Variants in GRIN2B observed in about 807,000 individuals in gnomAD.
GRIN2B encodes glutamate ionotropic receptor NMDA type subunit 2B.
In GRIN2B, 5 loss-of-function variants were observed where a neutral mutation model predicts 114.5. The observed-to-expected ratio is 0.04, with a 90% confidence interval of 0.02 to 0.09. The LOEUF (loss-of-function observed/expected upper bound fraction) is 0.09, where lower values mean the gene tolerates loss of function less well. Among genes scored for constraint, GRIN2B ranks in the 10% least tolerant of loss-of-function variants. GRIN2B has a pLI of 1.00. For synonymous variants in GRIN2B, 787 were observed against 745.1 expected (o/e 1.06, Z -0.92); for missense variants, 1,108 against 1,943.5 (o/e 0.57, Z 8.08).
chr12:13,870,658 C>T (rs1170232735), intron 2 of GRIN2B, among the ~76,000 whole-genome samples: 1 of 151,976 alleles, frequency 6.6e-6, no homozygotes, highest in Non-Finnish European at 1.5e-5. Flanking sequence ...TTCCAAGCAC[C>T]ATCCCTTAAT....
chr12:13,624,327 C>T (rs990554267), intron 5 of GRIN2B, among the ~76,000 whole-genome samples: 3 of 152,162 alleles, frequency 2.0e-5, no homozygotes, highest in African/African-American at 7.2e-5. Context: ...TCCACTAGAT[C>T]TCCCTCCAGT....
Position 13,563,903 on chromosome 12 carries a change from C to T in GRIN2B, c.3335G>A (p.Arg1112Gln), listed in dbSNP as rs557670363. Residue 1112 changes from arginine to glutamine, a missense_variant, in exon 14 of 14, where the codon CGA becomes CAA. Arg to Gln is a conservative substitution (Grantham distance 43, BLOSUM62 1). This residue lies in a region of GRIN2B where 18 missense variants were observed against 23.6 expected (regional missense o/e 0.76). Transcript: ENST00000609686. ...FDEIELAYRR[R>Q]PPRSPDHKRY... The stretch of plus-strand genomic sequence containing the variant: ...CTTGTGGTCAGGGGAGCGGGGCGGT[C>T]GGCGACGGTAGGCCAGCTCGATCTC... 6.2e-7 allele frequency: 1 copy of T among 1,614,052 alleles called. No homozygotes were observed. The highest frequency in any genetic ancestry group is 1.3e-5 in the African/African-American group (1 of 75,008).
chr12:13,937,084 T>TA (rs35666762), intron 2 of GRIN2B, among the ~76,000 whole-genome samples: 1,432 of 18,540 alleles, frequency 0.077, 34 homozygotes, highest in South Asian at 0.21. Flanking sequence ...AGCACAGAAA[T>TA]AAAAAAAAAA....
chr12:13,723,102 G>A (rs1253436687), intron 4 of GRIN2B, among the ~76,000 whole-genome samples: 1 of 151,742 alleles, frequency 6.6e-6, no homozygotes, highest in Non-Finnish European at 1.5e-5. Flanking sequence ...ACAGCAGACT[G>A]AAAGGGAGCC....
At chr12:13,684,328 A>C (rs1192932379) in intron 4 of GRIN2B, among the ~76,000 whole-genome samples, 1 of 152,164 alleles carries the variant, frequency 6.6e-6, no homozygotes, top group Non-Finnish European at 1.5e-5. Context: ...TGGAGAGAAC[A>C]CATTCTTGAT....
Position 13,563,354 on chromosome 12 carries a change from C to G in GRIN2B, c.3884G>C (p.Arg1295Pro). 6.2e-7 allele frequency: 1 copy of G among 1,614,062 alleles called. No homozygotes were observed. Among genetic ancestry groups the G allele is most frequent in the Non-Finnish European group, 8.5e-7 (1 of 1,180,014 alleles). The change falls in exon 14 of 14, where the codon CGG becomes CCG. Residue 1295 changes from arginine to proline, a missense_variant. Physicochemically the swap from Arg to Pro is moderately radical, Grantham distance 103. This residue lies in a region of GRIN2B where 478 missense variants were observed against 506.0 expected (regional missense o/e 0.94). Transcript: ENST00000609686. ...GGAGTGCTGCCGGCGCAGTTTGTTCCGGTTCTTCTTCTGGGCCTTGGAATT... is the reference window on the plus strand; with the variant it reads ...GGAGTGCTGCCGGCGCAGTTTGTTCGGGTTCTTCTTCTGGGCCTTGGAATT... ...PTNSKAQKKN[R>P]NKLRRQHSYD... is the part of the protein sequence containing the mutation.
chr12:13,634,617 C>T lies in GRIN2B; in HGVS notation c.1126-17960G>A, dbSNP rs114790219. Among the ~76,000 whole-genome samples the T allele has an allele frequency of 2.0e-3, 302 of 152,262 alleles. 1 individual carries two copies. The highest frequency in any genetic ancestry group is 6.4e-3 in the African/African-American group (267 of 41,546). On this transcript the variant is annotated intron_variant, in intron 5 of 13. Transcript: ENST00000609686. ...ACTTCTGCCCATATTATGTTGGCTA[C>T]GGGTCCATCACATGGCCACACCTCA...
At chr12:13,604,212 G>C (rs564550172) in intron 10 of GRIN2B, among the ~76,000 whole-genome samples, 7 of 152,118 alleles carry the variant, frequency 4.6e-5, no homozygotes, top group African/African-American at 1.7e-4. Context: ...CTGAATGTTC[G>C]AACTTGCACC....
Position 13,659,307 on chromosome 12 carries a change from C to T in GRIN2B, c.1125+16438G>A, listed in dbSNP as rs954983715. ...CTTCAGTGGTCATTGTCTCATCTTT[C>T]CCAGTAGGTTACAGATTTATTCCAC... On this transcript the variant is annotated intron_variant, in intron 5 of 13. Transcript: ENST00000609686. Among the ~76,000 whole-genome samples the T allele has an allele frequency of 9.9e-5, 15 of 152,162 alleles. 1 individual carries two copies. The highest frequency in any genetic ancestry group is 9.8e-4 in the Admixed American group (15 of 15,278).
intron 2 of GRIN2B, among the ~76,000 whole-genome samples, chr12:13,945,049 T>C (rs219916): frequency 0.94 from 143,433 of 152,264 alleles, 67,790 homozygotes; most frequent in East Asian, 1. Context: ...GAAAAATAAA[T>C]TACTTTTCTA....
rs1949917833 is a variant in GRIN2B, at chr12:13,661,057, TCA to T, written c.1125+14686_1125+14687del. ...TCTGGCCCTGCCTTCATTTCTAATT[TCA>T]GTTTTTCCTATATTCACATGTTTCA... On this transcript the variant is annotated intron_variant, in intron 5 of 13. Transcript: ENST00000609686. Among the ~76,000 whole-genome samples the T allele has an allele frequency of 2.6e-5, 4 of 152,326 alleles. No individual in the cohort carries two copies. The South Asian group carries it at 8.3e-4, about 32-fold the overall frequency.
chr12:13,591,845 C>T (rs548820910), intron 10 of GRIN2B, among the ~76,000 whole-genome samples: 99 of 152,290 alleles, frequency 6.5e-4, no homozygotes, highest in African/African-American at 2.1e-3. Flanking sequence ...CTCAATAGTT[C>T]ATTTATAAAT....
At chr12:13,825,669 A>AC (rs887083352) in intron 3 of GRIN2B, among the ~76,000 whole-genome samples, 5 of 151,466 alleles carry the variant, frequency 3.3e-5, no homozygotes, top group African/African-American at 9.7e-5. Flanking sequence ...GGCATACACT[A>AC]CCACGCCCAG....
At chr12:13,913,962 A>G (rs978047745) in intron 2 of GRIN2B, among the ~76,000 whole-genome samples, 26 of 152,226 alleles carry the variant, frequency 1.7e-4, no homozygotes, top group African/African-American at 6.3e-4. Flanking sequence ...TCTGGCACGT[A>G]CAACAGCACC....
At chr12:13,687,648 G>C (rs1215202075) in intron 4 of GRIN2B, among the ~76,000 whole-genome samples, 1 of 152,186 alleles carries the variant, frequency 6.6e-6, no homozygotes, top group Non-Finnish European at 1.5e-5. Flanking sequence ...TAGACAATGA[G>C]ACCACCACAC....
intron 2 of GRIN2B, among the ~76,000 whole-genome samples, chr12:13,938,638 A>G (rs1867173378): frequency 6.6e-6 from 1 of 152,248 alleles, no homozygotes; most frequent in Non-Finnish European, 1.5e-5. Context: ...AAAAGATTAC[A>G]TAGTGTGTAA....
chr12:13,594,714 A>C (rs1003934673), intron 10 of GRIN2B, among the ~76,000 whole-genome samples: 2 of 151,076 alleles, frequency 1.3e-5, no homozygotes, highest in Non-Finnish European at 2.9e-5. Context: ...CAGTAGTGCC[A>C]AGTGGAAGGG....
chr12:13,848,214 A>G (rs1865500620), intron 3 of GRIN2B, among the ~76,000 whole-genome samples: 1 of 152,200 alleles, frequency 6.6e-6, no homozygotes, highest in South Asian at 2.1e-4. Flanking sequence ...GGTATCTGAA[A>G]TTCCACTATT....
chr12:13,647,103 A>G (rs1949768513), intron 5 of GRIN2B, among the ~76,000 whole-genome samples: 1 of 152,066 alleles, frequency 6.6e-6, no homozygotes, highest in Non-Finnish European at 1.5e-5. Context: ...CAGGGCTGAC[A>G]CTTTGGTTGC....
Sources: allele counts gnomAD v4.1 joint callset (sites outside exome capture counted in the v4.1 genomes callset), GRCh38; gene constraint gnomAD v4.1.1; regional missense constraint gnomAD v4.1.1; transcripts MANE v1.5; gene names NCBI Gene and HGNC (gene_info 2026-07-23, HGNC 2026-07-21).